The following IL18 variants were observed in gnomAD, a reference collection of about 807,000 sequenced individuals.
IL18 encodes the protein interleukin-18.
Under a neutral mutation model 14.2 loss-of-function variants are expected in IL18, and 8 were observed. The observed-to-expected ratio is 0.56, with a 90% CI of 0.33 to 1.01. The LOEUF (loss-of-function observed/expected upper bound fraction) is 1.01, where lower values mean the gene tolerates loss of function less well. IL18 is among the 50% of genes least tolerant of loss of function. IL18 has a pLI of 0.03. For missense variants in IL18, 166 were observed against 231.1 expected (o/e 0.72, Z 1.83); for synonymous variants, 67 against 71.0 (o/e 0.94, Z 0.28).
chr11:112,160,561 T>C (rs183211554), intron 1 of IL18, among the ~76,000 whole-genome samples: 4 of 152,306 alleles, frequency 2.6e-5, no homozygotes, highest in Middle Eastern at 3.4e-3. Context: ...TTGTCTTTTT[T>C]CCCCTGAATT....
chr11:112,149,558 GTT>G (rs561459069), intron 4 of IL18, among the ~76,000 whole-genome samples: 7,144 of 99,502 alleles, frequency 0.072, 293 homozygotes, highest in African/African-American at 0.17. Context: ...CTTTTCTTAA[GTT>G]TTTTTTTTTT....
chr11:112,145,740 A>AAAAAAAAG (rs546354708), intron 5 of IL18, among the ~76,000 whole-genome samples: 1,839 of 151,624 alleles, frequency 0.012, 48 homozygotes, highest in African/African-American at 0.042. Context: ...CTCCGTTTCA[A>AAAAAAAAG]AAAAAAAGAA....
intron 4 of IL18, 50 bp downstream of exon 4, chr11:112,150,022 A>G (rs1455525648): frequency 6.6e-7 from 1 of 1,507,322 alleles, no homozygotes; most frequent in South Asian, 1.2e-5. Flanking sequence ...GTAAAACAGA[A>G]TGGGAAGAAG....
Position 112,148,974 on chromosome 11 carries a change from T to G in IL18, c.227-238A>C, listed in dbSNP as rs576409374. 7.1e-3 allele frequency among the ~76,000 whole-genome samples: 73 copies of G among 10,244 alleles called. No individual in the cohort carries two copies. In the East Asian group the frequency reaches 0.42, roughly 58 times the overall value. The allele number at this position is 10,244 out of a possible 152,430, so 6.7% of individuals were successfully genotyped here. Reference sequence around the variant, plus strand: ...AAGTTAAAAACAACCTTTTATAATCTATATCATTATACTCATAAAAGTTGC... The same window carrying G: ...AAGTTAAAAACAACCTTTTATAATCGATATCATTATACTCATAAAAGTTGC... On this transcript the variant is annotated intron_variant, in intron 4 of 5. Transcript: ENST00000280357.
chr11:112,143,515 C>T lies in IL18; in HGVS notation c.*81G>A. ...CAGGCTGGTCTTGAACACCTGACCT[C>T]TGGTGATCTGCCCGCCTCAGCCTCC... On this transcript the variant is annotated 3_prime_UTR_variant, in exon 6 of 6. Coordinates refer to ENST00000280357, the MANE Select transcript of IL18 (RefSeq NM_001562.4). 1 of 858,314 alleles carries T rather than the reference C, an allele frequency of 1.2e-6. No individual in the cohort carries two copies. Among genetic ancestry groups the T allele is most frequent in the Middle Eastern group, 2.7e-4 (1 of 3,770 alleles). The allele number at this position is 858,314 out of a possible 1,614,324, so 53.2% of individuals were successfully genotyped here.
chr11:112,146,925 TA>T (rs1831595255), intron 5 of IL18, among the ~76,000 whole-genome samples: 1 of 144,790 alleles, frequency 6.9e-6, no homozygotes, highest in Non-Finnish European at 1.5e-5. Context: ...TTGGTAATTT[TA>T]CTTTTTTTTT....
At chr11:112,158,430 GC>G (rs1223707910) in intron 1 of IL18, among the ~76,000 whole-genome samples, 2 of 151,158 alleles carry the variant, frequency 1.3e-5, no homozygotes, top group Non-Finnish European at 2.9e-5. Flanking sequence ...TTTGTAGCCT[GC>G]TGTCTCCACA....
intron 5 of IL18, 83 bp downstream of exon 5, chr11:112,148,520 T>A: frequency 1.4e-6 from 1 of 710,756 alleles, no homozygotes; most frequent in South Asian, 3.6e-5. Flanking sequence ...ACATTACTTA[T>A]ATTAACATTA....
At chr11:112,162,346 T>C (rs112394155) in intron 1 of IL18, among the ~76,000 whole-genome samples, 48 of 150,334 alleles carry the variant, frequency 3.2e-4, no homozygotes, top group East Asian at 2.3e-3. Context: ...CTTTTCTTTT[T>C]TTTTTTTTTT....
intron 4 of IL18, among the ~76,000 whole-genome samples, chr11:112,149,449 T>G (rs1477463317): frequency 1.3e-5 from 2 of 152,018 alleles, no homozygotes; most frequent in Non-Finnish European, 2.9e-5. Context: ...AAGGTAAGTA[T>G]TCAGTATTTT....
chr11:112,157,102 C>T (rs1017754318), intron 1 of IL18, among the ~76,000 whole-genome samples: 6 of 152,222 alleles, frequency 3.9e-5, no homozygotes, highest in African/African-American at 1.4e-4. Context: ...CATTGCTGAA[C>T]AAGGCCCTAT....
chr11:112,162,643 CCTGTGATT>C (rs1866653573), intron 1 of IL18, among the ~76,000 whole-genome samples: 1 of 152,118 alleles, frequency 6.6e-6, no homozygotes, highest in Non-Finnish European at 1.5e-5. Flanking sequence ...CTGCACCCAA[CCTGTGATT>C]TTTGGATTGT....
At chr11:112,158,441 A>C (rs898840303) in intron 1 of IL18, among the ~76,000 whole-genome samples, 1 of 150,016 alleles carries the variant, frequency 6.7e-6, no homozygotes, top group African/African-American at 2.4e-5. Context: ...CTGTCTCCAC[A>C]CAGCCTATTA....
At chr11:112,150,455 C>T (rs577362472) in intron 3 of IL18, 47 of 334,360 alleles carry the variant, frequency 1.4e-4, no homozygotes, top group African/African-American at 9.8e-4. Context: ...CGGTCTCTTA[C>T]CCTTCTAGTT....
chr11:112,143,583 G>T lies in IL18; in HGVS notation c.*13C>A. ...AGGCGTGAGCCACTGCGCCCGGCAT[G>T]AAATTTTAATAGCTAGTCTTCGTTT... On this transcript the variant is annotated 3_prime_UTR_variant, in exon 6 of 6. Coordinates refer to ENST00000280357, the MANE Select transcript of IL18 (RefSeq NM_001562.4). 6.3e-7 allele frequency: 1 copy of T among 1,581,834 alleles called. No individual in the cohort carries two copies. Among genetic ancestry groups the T allele is most frequent in the Non-Finnish European group, 8.7e-7 (1 of 1,155,220 alleles).
At chr11:112,148,815 A>G in intron 4 of IL18, 79 bp from the exon 5 acceptor site, 1 of 828,364 alleles carries the variant, frequency 1.2e-6, no homozygotes, top group East Asian at 3.3e-5. Context: ...TAACCAAAGG[A>G]TAGTCCTTAA....
intron 2 of IL18, among the ~76,000 whole-genome samples, chr11:112,154,658 C>T (rs1023850951): frequency 4.6e-5 from 7 of 152,188 alleles, no homozygotes; most frequent in East Asian, 3.8e-4. Flanking sequence ...CAGTTTTGTA[C>T]TGGGATTTTT....
intron 3 of IL18, among the ~76,000 whole-genome samples, chr11:112,151,625 T>C (rs1866440434): frequency 6.6e-6 from 1 of 152,204 alleles, no homozygotes; most frequent in Admixed American, 6.5e-5. Context: ...ATCTGTATCA[T>C]TTCTTCACTT....
In IL18 at chr11:112,157,686, A is replaced by G. The variant is rs558702591; in HGVS notation, c.-8-2625T>C. On this transcript the variant is annotated intron_variant, in intron 1 of 5. Transcript: ENST00000280357. The stretch of plus-strand genomic sequence containing the variant: ...AGCAGGCATTTTCAAGGCCAGAGGA[A>G]GAGCTTCCACCAAGAAGAAGCAATG... Among the ~76,000 whole-genome samples the G allele has an allele frequency of 3.3e-5, 5 of 152,296 alleles. No individual in the cohort carries two copies. In the East Asian group the frequency reaches 5.8e-4, roughly 18 times the overall value.
Sources: allele counts gnomAD v4.1 joint callset (sites outside exome capture counted in the v4.1 genomes callset), GRCh38; gene constraint gnomAD v4.1.1; transcripts MANE v1.5; gene names NCBI Gene and HGNC (gene_info 2026-07-23, HGNC 2026-07-21).